OR9Q1: variants seen among roughly 807,000 people sequenced by gnomAD.
OR9Q1 encodes olfactory receptor family 9 subfamily Q member 1.
For synonymous variants in OR9Q1, 153 were observed against 148.6 expected (o/e 1.03, Z -0.22); for missense variants, 374 against 378.8 (o/e 0.99, Z 0.11).
chr11:58,037,676 TATATATATATATA>T (rs1461246591), intron 1 of OR9Q1, among the ~76,000 whole-genome samples: 263 of 12,310 alleles, frequency 0.021, 9 homozygotes, highest in East Asian at 0.16. Context: ...TATATATATA[TATATATATATATA>T]TTTTTTTTTT....
At chr11:58,151,236 G>A (rs1330805842) in intron 2 of OR9Q1, among the ~76,000 whole-genome samples, 1 of 152,122 alleles carries the variant, frequency 6.6e-6, no homozygotes, top group Admixed American at 6.6e-5. Flanking sequence ...AAAGTCTCAG[G>A]ATTAAGAGAA....
chr11:58,173,777 C>A (rs1590626886), intron 2 of OR9Q1, among the ~76,000 whole-genome samples: 1 of 152,204 alleles, frequency 6.6e-6, no homozygotes, highest in South Asian at 2.1e-4. Flanking sequence ...ATGTGCCTGC[C>A]GTTCTTCCTG....
At chr11:58,112,811 C>T (rs1263679044) in intron 2 of OR9Q1, among the ~76,000 whole-genome samples, 1 of 152,160 alleles carries the variant, frequency 6.6e-6, no homozygotes, top group Non-Finnish European at 1.5e-5. Flanking sequence ...GTCAGGCAAG[C>T]ATCTGAGTGA....
intron 2 of OR9Q1, among the ~76,000 whole-genome samples, chr11:58,125,684 T>C (rs528281943): frequency 5.9e-5 from 9 of 152,266 alleles, no homozygotes; most frequent in Admixed American, 1.3e-4. Context: ...CCCCTGGGAC[T>C]CCAGAGAATA....
At chr11:58,161,811 C>T (rs985271019) in intron 2 of OR9Q1, among the ~76,000 whole-genome samples, 3 of 152,162 alleles carry the variant, frequency 2.0e-5, no homozygotes, top group African/African-American at 7.2e-5. Flanking sequence ...GGATTACAGG[C>T]GTGAGCCACC....
rs915814281 is a variant in OR9Q1 at position 58,164,067 on chromosome 11, G to A, written c.-14-15364G>A. On this transcript the variant is annotated intron_variant, in intron 2 of 2. Transcript: ENST00000335397. ...GCCACGGATTGGCTATGACAGTGTT[G>A]GGGCAAAACAAACTAGTAGAGTCTT... is the stretch of plus-strand genomic sequence containing the variant. 4.6e-5 allele frequency among the ~76,000 whole-genome samples: 7 copies of A among 152,188 alleles called. No homozygotes were observed. In the South Asian group the frequency reaches 1.5e-3, roughly 32 times the overall value.
chr11:58,093,172 G>A (rs1176019506), intron 2 of OR9Q1, among the ~76,000 whole-genome samples: 2 of 152,042 alleles, frequency 1.3e-5, no homozygotes, highest in African/African-American at 4.8e-5. Flanking sequence ...CCAAATATAT[G>A]TATTTCATAG....
chr11:58,109,020 G>T (rs892601810), intron 2 of OR9Q1: 3 of 447,318 alleles, frequency 6.7e-6, no homozygotes, highest in Admixed American at 4.7e-5. Context: ...AGCAGATCAG[G>T]ATAACCATGA....
At chr11:58,135,717 C>T (rs1388429556) in intron 2 of OR9Q1, among the ~76,000 whole-genome samples, 1 of 152,196 alleles carries the variant, frequency 6.6e-6, no homozygotes, top group Non-Finnish European at 1.5e-5. Context: ...GGGTGCACTG[C>T]ACAACCTTTA....
chr11:58,032,892 G>A (rs938167114), intron 1 of OR9Q1, among the ~76,000 whole-genome samples: 1 of 152,190 alleles, frequency 6.6e-6, no homozygotes, highest in East Asian at 1.9e-4. Flanking sequence ...GAATCTATAA[G>A]GGACTTAAAT....
In OR9Q1 at chr11:58,124,027, G is replaced by C. The variant is rs971968275; in HGVS notation, c.-14-55404G>C. ...ATAGTAACGATTCTTGAAATAGAATGGATGTTTATCTAATATGGTAGAGCT... is the reference window on the plus strand; with the variant it reads ...ATAGTAACGATTCTTGAAATAGAATCGATGTTTATCTAATATGGTAGAGCT... On this transcript the variant is annotated intron_variant, in intron 2 of 2. Transcript: ENST00000335397. Among the ~76,000 whole-genome samples the C allele has an allele frequency of 4.6e-5, 7 of 152,252 alleles. No individual in the cohort carries two copies. The South Asian group carries it at 1.5e-3, about 32-fold the overall frequency.
intron 2 of OR9Q1, among the ~76,000 whole-genome samples, chr11:58,064,758 G>T (rs1258114509): frequency 6.6e-6 from 1 of 152,058 alleles, no homozygotes; most frequent in Non-Finnish European, 1.5e-5. Flanking sequence ...AAGGACAGAA[G>T]GAGTTAGATT....
At chr11:58,030,970 A>T in intron 1 of OR9Q1, 1 of 1,613,668 alleles carries the variant, frequency 6.2e-7, no homozygotes, top group Non-Finnish European at 8.5e-7. Context: ...CATATACCAA[A>T]AACTGGACCC....
At chr11:58,053,498 AAATGACGAGTT>A (rs1251706991) in intron 1 of OR9Q1, among the ~76,000 whole-genome samples, 3 of 145,890 alleles carry the variant, frequency 2.1e-5, no homozygotes, top group Non-Finnish European at 3.0e-5. Context: ...ACCTAATGCT[AAATGACGAGTT>A]AATGGGTGCA....
chr11:58,102,457 G>A (rs1443419724), intron 2 of OR9Q1, among the ~76,000 whole-genome samples: 1 of 151,970 alleles, frequency 6.6e-6, no homozygotes, highest in Non-Finnish European at 1.5e-5. Flanking sequence ...GGCCAGCCTG[G>A]TGTTGATGAA....
chr11:58,129,362 C>G (rs1590606588), intron 2 of OR9Q1, among the ~76,000 whole-genome samples: 1 of 152,078 alleles, frequency 6.6e-6, no homozygotes. Flanking sequence ...TGCTTTTACT[C>G]TTGCCTCTCT....
At chr11:58,025,867 T>C (rs907151761) in intron 1 of OR9Q1, among the ~76,000 whole-genome samples, 1 of 152,130 alleles carries the variant, frequency 6.6e-6, no homozygotes, top group African/African-American at 2.4e-5. Flanking sequence ...TACTTCCACC[T>C]GTCTCTCCCC....
intron 2 of OR9Q1, among the ~76,000 whole-genome samples, chr11:58,093,588 G>A (rs1223899586): frequency 6.6e-6 from 1 of 151,744 alleles, no homozygotes; most frequent in Non-Finnish European, 1.5e-5. Context: ...GTGAAACCTT[G>A]TCTCTACTTA....
At chr11:58,159,799 A>G (rs1204206513) in intron 2 of OR9Q1, among the ~76,000 whole-genome samples, 3 of 152,246 alleles carry the variant, frequency 2.0e-5, no homozygotes, top group Admixed American at 6.5e-5. Context: ...GGATTTACAG[A>G]TGCATAGTGT....
Sources: allele counts gnomAD v4.1 joint callset (sites outside exome capture counted in the v4.1 genomes callset), GRCh38; gene constraint gnomAD v4.1.1; transcripts MANE v1.5; gene names NCBI Gene and HGNC (gene_info 2026-07-23, HGNC 2026-07-21).